CYS1: variants seen among roughly 807,000 people sequenced by gnomAD.
The protein encoded by CYS1 is cystin-1.
A neutral mutation model predicts 9.6 loss-of-function variants in CYS1; 5 were observed. That is an observed-to-expected ratio of 0.52 (90% CI 0.27 to 1.10). CYS1 has a LOEUF of 1.10. Among genes scored for constraint, CYS1 ranks in the 50% least tolerant of loss-of-function variants. The pLI is 0.11. For synonymous variants in CYS1, 88 were observed against 95.7 expected (o/e 0.92, Z 0.47); for missense variants, 221 against 207.9 (o/e 1.06, Z -0.39).
Position 10,079,890 on chromosome 2 carries a change from C to A in CYS1, c.318+16G>T. On this transcript the variant is annotated intron_variant, in intron 1 of 2. Coordinates refer to ENST00000381813, the MANE Select transcript of CYS1 (RefSeq NM_001037160.3). Reference sequence around the variant, plus strand: ...GTCCCCGCCGTCCCCCGAGGCCCTGCGGCTCCCACACTCACCGCGCTCCCC... The same window carrying A: ...GTCCCCGCCGTCCCCCGAGGCCCTGAGGCTCCCACACTCACCGCGCTCCCC... 9.1e-7 allele frequency: 1 copy of A among 1,104,752 alleles called. No individual in the cohort carries two copies. The highest frequency in any genetic ancestry group is 1.1e-6 in the Non-Finnish European group (1 of 906,530). The allele number at this position is 1,104,752 out of a possible 1,614,324, so 68.4% of individuals were successfully genotyped here.
intron 1 of CYS1, among the ~76,000 whole-genome samples, chr2:10,079,478 C>T (rs145400671): frequency 6.6e-6 from 1 of 152,320 alleles, no homozygotes; most frequent in African/African-American, 2.4e-5. Context: ...CTAAAAATAT[C>T]AGTAACATGA....
At chr2:10,065,560 C>T (rs1661684535) in intron 2 of CYS1, among the ~76,000 whole-genome samples, 1 of 152,250 alleles carries the variant, frequency 6.6e-6, no homozygotes, top group Non-Finnish European at 1.5e-5. Flanking sequence ...TCCTTAAGGG[C>T]TGTGTCTTGT....
Position 10,058,930 on chromosome 2 carries a change from C to A in CYS1, c.400G>T (p.Glu134Ter), listed in dbSNP as rs1160105559. 1.3e-6 allele frequency: 2 copies of A among 1,592,780 alleles called. No homozygotes were observed. Among genetic ancestry groups the A allele is most frequent in the African/African-American group, 1.3e-5 (1 of 74,632 alleles). ...TCGTAGGAGATGGCTGCCGGCCTCTCGGGCTTCTTGCGACCGCTGCCTGGG... is the reference window on the plus strand; with the variant it reads ...TCGTAGGAGATGGCTGCCGGCCTCTAGGGCTTCTTGCGACCGCTGCCTGGG... Reference protein sequence around the residue: ...EAPGSGRKKPERPAAISYDHS... With the variant: ...EAPGSGRKKP Residue 134 changes from glutamate to a stop codon, truncating the protein, a stop_gained, in exon 3 of 3, where the codon GAG (glutamate) becomes TAG (stop). Coordinates refer to ENST00000381813, the MANE Select transcript of CYS1 (RefSeq NM_001037160.3). LOFTEE classifies it high-confidence loss of function.
chr2:10,073,979 C>T (rs968282903), intron 1 of CYS1, among the ~76,000 whole-genome samples: 1 of 152,196 alleles, frequency 6.6e-6, no homozygotes, highest in Non-Finnish European at 1.5e-5. Context: ...GCTCCTCCCC[C>T]GGGTCGAGGC....
At chr2:10,072,191 C>T (rs377052297) in intron 1 of CYS1, among the ~76,000 whole-genome samples, 12 of 152,090 alleles carry the variant, frequency 7.9e-5, no homozygotes, top group Admixed American at 5.2e-4. Context: ...CAAGTGATTC[C>T]CCTGCCTCAG....
chr2:10,078,116 A>G lies in CYS1; in HGVS notation c.318+1790T>C, dbSNP rs1199166334. ...GTGAAACTCCGTTTCAAAAAAAAAA[A>G]AAAGAAAGAAAGAAAAAAGATACAC... On this transcript the variant is annotated intron_variant, in intron 1 of 2. Coordinates refer to ENST00000381813, the MANE Select transcript of CYS1 (RefSeq NM_001037160.3). Among the ~76,000 whole-genome samples, 456 of 152,076 alleles carry G rather than the reference A, an allele frequency of 3.0e-3. 2 individuals are homozygous for G. Among genetic ancestry groups the G allele is most frequent in the African/African-American group, 1.0e-2 (413 of 41,500 alleles).
chr2:10,069,522 C>G (rs1661737649), intron 1 of CYS1, among the ~76,000 whole-genome samples: 1 of 152,024 alleles, frequency 6.6e-6, no homozygotes, highest in Admixed American at 6.6e-5. Flanking sequence ...GTGCGTGCCA[C>G]CACGCCCAGC....
intron 1 of CYS1, among the ~76,000 whole-genome samples, chr2:10,075,974 G>C (rs988439631): frequency 3.9e-5 from 6 of 152,258 alleles, no homozygotes; most frequent in African/African-American, 1.4e-4. Flanking sequence ...ACCACCTGAG[G>C]TCAGGAGTTC....
At chr2:10,059,819 T>A (rs1296504860) in intron 2 of CYS1, among the ~76,000 whole-genome samples, 4 of 152,222 alleles carry the variant, frequency 2.6e-5, no homozygotes, top group Admixed American at 6.5e-5. Context: ...ACGTTCAGGA[T>A]CCCGCCAGTC....
chr2:10,070,605 C>T (rs1005039809), intron 1 of CYS1, among the ~76,000 whole-genome samples: 1 of 151,668 alleles, frequency 6.6e-6, no homozygotes, highest in African/African-American at 2.4e-5. Context: ...TTCAGCCTCC[C>T]AAAGTGCTGG....
intron 1 of CYS1, among the ~76,000 whole-genome samples, chr2:10,068,547 G>A (rs1661723776): frequency 6.6e-6 from 1 of 152,218 alleles, no homozygotes; most frequent in Admixed American, 6.5e-5. Context: ...ACCACCAGGT[G>A]ATGAGAATTT....
chr2:10,076,777 C>T lies in CYS1; in HGVS notation c.318+3129G>A, dbSNP rs1225492469. 2.0e-5 allele frequency among the ~76,000 whole-genome samples: 3 copies of T among 152,184 alleles called. No individual in the cohort carries two copies. The highest frequency in any genetic ancestry group is 4.4e-5 in the Non-Finnish European group (3 of 68,040). On this transcript the variant is annotated intron_variant, in intron 1 of 2. Transcript: ENST00000381813. The surrounding 1 kb of genome is among the most constrained non-coding windows in gnomAD (Gnocchi z 4.3). ...GGACAGAGCCCGGTGCCCATCCATG[C>T]TTCCTAAGCACACGCTGGCAGCATC... is the stretch of plus-strand genomic sequence containing the variant.
intron 1 of CYS1, among the ~76,000 whole-genome samples, chr2:10,078,041 G>C (rs541509697): frequency 6.6e-6 from 1 of 151,994 alleles, no homozygotes; most frequent in African/African-American, 2.4e-5. Flanking sequence ...GGGAGGCACA[G>C]GTTGCAGTGA....
chr2:10,059,788 C>G (rs1661602310), intron 2 of CYS1, among the ~76,000 whole-genome samples: 1 of 152,288 alleles, frequency 6.6e-6, no homozygotes, highest in Admixed American at 6.5e-5. Flanking sequence ...CTCACAGGAG[C>G]TGCTCATTGT....
chr2:10,073,750 C>T (rs1661807726), intron 1 of CYS1, among the ~76,000 whole-genome samples: 1 of 152,188 alleles, frequency 6.6e-6, no homozygotes, highest in African/African-American at 2.4e-5. Flanking sequence ...GTTAAGAGCT[C>T]TTGGTCAGCA....
chr2:10,059,693 CA>C (rs915250537), intron 2 of CYS1, among the ~76,000 whole-genome samples: 340 of 151,898 alleles, frequency 2.2e-3, no homozygotes, highest in African/African-American at 7.7e-3. Context: ...GACTCTGTCT[CA>C]AAAAAAATAA....
At chr2:10,073,545 A>T (rs372740959) in intron 1 of CYS1, among the ~76,000 whole-genome samples, 12 of 152,328 alleles carry the variant, frequency 7.9e-5, no homozygotes, top group Admixed American at 5.2e-4. Context: ...GTCTGGCCAT[A>T]TACTATCAAG....
intron 2 of CYS1, among the ~76,000 whole-genome samples, chr2:10,059,883 C>T (rs1661603524): frequency 1.3e-5 from 2 of 152,220 alleles, no homozygotes; most frequent in Admixed American, 6.5e-5. Context: ...AGCTCCTGCT[C>T]CTGCTGCCTG....
At chr2:10,073,689 C>T (rs780018948) in intron 1 of CYS1, among the ~76,000 whole-genome samples, 10 of 152,178 alleles carry the variant, frequency 6.6e-5, no homozygotes, top group Admixed American at 1.3e-4. Context: ...ACCCTCCTTC[C>T]CAGAGTCTAG....
Sources: allele counts gnomAD v4.1 joint callset (sites outside exome capture counted in the v4.1 genomes callset), GRCh38; gene constraint gnomAD v4.1.1; non-coding constraint Gnocchi (gnomAD v3.1); transcripts MANE v1.5; gene names NCBI Gene and HGNC (gene_info 2026-07-23, HGNC 2026-07-21).